PRUNE2: variants seen among roughly 807,000 people sequenced by gnomAD.
PRUNE2 encodes the protein protein prune homolog 2.
Under a neutral mutation model 252.0 loss-of-function variants are expected in PRUNE2, and 164 were observed. The ratio of observed to expected loss-of-function variants is 0.65; its 90% CI spans 0.57 to 0.74. PRUNE2 has a LOEUF of 0.74. Ranked by LOEUF, PRUNE2 falls within the 30% of genes least tolerant of loss-of-function variation. The pLI is 0.00. For synonymous variants in PRUNE2, 1,292 were observed against 1,350.2 expected (o/e 0.96, Z 0.94); for missense variants, 3,495 against 3,711.0 (o/e 0.94, Z 1.51).
intron 6 of PRUNE2, among the ~76,000 whole-genome samples, chr9:76,814,372 C>A (rs1174963409): frequency 6.6e-6 from 1 of 152,128 alleles, no homozygotes; most frequent in African/African-American, 2.4e-5. Flanking sequence ...TCTTTTAGAA[C>A]CTAAGTGTTA....
At chr9:76,895,616 A>G (rs2062769418) in intron 1 of PRUNE2, among the ~76,000 whole-genome samples, 1 of 152,176 alleles carries the variant, frequency 6.6e-6, no homozygotes, top group African/African-American at 2.4e-5. Context: ...CTAAATTTAA[A>G]TGATCTTTTC....
At chr9:76,769,321 T>C (rs1287758687) in intron 6 of PRUNE2, among the ~76,000 whole-genome samples, 1 of 152,236 alleles carries the variant, frequency 6.6e-6, no homozygotes, top group Non-Finnish European at 1.5e-5. Flanking sequence ...ACAGAATAAC[T>C]GAACTGTTTT....
Position 76,710,483 on chromosome 9 carries a change from G to A in PRUNE2, c.1791C>T (p.Ser597=), listed in dbSNP as rs1184389833. The A allele has an allele frequency of 6.2e-7, 1 of 1,613,932 alleles. No homozygotes were observed. The highest frequency in any genetic ancestry group is 1.7e-5 in the Admixed American group (1 of 60,016). The change falls in exon 8 of 19, where the codon TCC becomes TCT. Residue 597 remains serine (S), a synonymous_variant. Coordinates refer to ENST00000376718, the MANE Select transcript of PRUNE2 (RefSeq NM_015225.3). ...TTCCAGTATTTTTTAGCCTTTCTGG[G>A]GAAGGGGATTCATCTCCCACAAAAT... ...LTDFVGDESP[S]PERLKNTGKR... is the part of the protein sequence containing the mutation.
At chr9:76,673,137 C>A (rs910299722) in intron 9 of PRUNE2, among the ~76,000 whole-genome samples, 7 of 151,820 alleles carry the variant, frequency 4.6e-5, no homozygotes, top group Admixed American at 4.6e-4. Flanking sequence ...AAAGGATCAA[C>A]AAAATTGATA....
intron 4 of PRUNE2, among the ~76,000 whole-genome samples, chr9:76,844,644 C>T (rs2132424985): frequency 6.6e-6 from 1 of 152,240 alleles, no homozygotes; most frequent in South Asian, 2.1e-4. Context: ...CAAAAGGTCT[C>T]CAGAGCCCTC....
At chr9:76,739,858 G>C (rs2049428138) in intron 6 of PRUNE2, 1 of 152,044 alleles carries the variant, frequency 6.6e-6, no homozygotes, top group African/African-American at 2.4e-5. Context: ...GGCCAAGGCA[G>C]GCAGATCACG....
At chr9:76,663,175 C>T (rs2133678414) in intron 9 of PRUNE2, among the ~76,000 whole-genome samples, 1 of 152,254 alleles carries the variant, frequency 6.6e-6, no homozygotes, top group East Asian at 1.9e-4. Flanking sequence ...CAAGCTAATC[C>T]CAAGACAGGA....
intron 6 of PRUNE2, among the ~76,000 whole-genome samples, chr9:76,770,079 T>A (rs2052921623): frequency 6.6e-6 from 1 of 152,174 alleles, no homozygotes; most frequent in South Asian, 2.1e-4. Context: ...CTTGCCAATT[T>A]ATTATTGTTA....
At chr9:76,849,962 A>G (rs555132118) in intron 3 of PRUNE2, among the ~76,000 whole-genome samples, 3 of 152,328 alleles carry the variant, frequency 2.0e-5, no homozygotes, top group South Asian at 2.1e-4. Flanking sequence ...AAATTTTGCC[A>G]TAAGAGAAGA....
At chr9:76,619,688 T>C (rs770881674) in intron 17 of PRUNE2, among the ~76,000 whole-genome samples, 6 of 152,264 alleles carry the variant, frequency 3.9e-5, no homozygotes. Context: ...GGGGACATAT[T>C]ACAAAATTGT....
At chr9:76,625,127 A>T in intron 16 of PRUNE2, 2 of 1,069,226 alleles carry the variant, frequency 1.9e-6, no homozygotes, top group Non-Finnish European at 1.3e-6. Flanking sequence ...CAAGTAAATG[A>T]TTTAAATGAC....
chr9:76,760,061 A>G (rs891025814), intron 6 of PRUNE2: 3 of 152,244 alleles, frequency 2.0e-5, no homozygotes, highest in Non-Finnish European at 4.4e-5. Flanking sequence ...TACAATTTAA[A>G]TAAATTAGTT....
intron 9 of PRUNE2, among the ~76,000 whole-genome samples, chr9:76,688,150 C>T (rs1398624822): frequency 6.6e-6 from 1 of 152,174 alleles, no homozygotes; most frequent in Non-Finnish European, 1.5e-5. Context: ...ATAGCAACTG[C>T]CCAGGAAGTA....
At chr9:76,822,024 A>T (rs1163986092) in intron 6 of PRUNE2, among the ~76,000 whole-genome samples, 1 of 152,162 alleles carries the variant, frequency 6.6e-6, no homozygotes, top group Non-Finnish European at 1.5e-5. Context: ...AGGAGAGGGG[A>T]ACAGAGAAAG....
intron 6 of PRUNE2, among the ~76,000 whole-genome samples, chr9:76,752,901 A>G (rs2050759938): frequency 6.6e-6 from 1 of 152,216 alleles, no homozygotes; most frequent in Non-Finnish European, 1.5e-5. Flanking sequence ...AGCATTTGAA[A>G]AGAGTCATTG....
intron 4 of PRUNE2, among the ~76,000 whole-genome samples, chr9:76,838,049 G>A (rs530239707): frequency 6.6e-6 from 1 of 151,998 alleles, no homozygotes; most frequent in Non-Finnish European, 1.5e-5. Flanking sequence ...GGGATTACAG[G>A]TGTGAGCCAC....
At chr9:76,855,082 A>AAAAAAAAAAAAAAATATATATATATAT (rs1490285240) in intron 1 of PRUNE2, among the ~76,000 whole-genome samples, 2 of 109,436 alleles carry the variant, frequency 1.8e-5, no homozygotes, top group African/African-American at 7.7e-5. Context: ...AAAAAAAAAA[A>AAAAAAAAAAAAAAATATATATATATAT]ATATATATAT....
At chr9:76,777,898 G>C (rs1027538872) in intron 6 of PRUNE2, among the ~76,000 whole-genome samples, 1 of 152,168 alleles carries the variant, frequency 6.6e-6, no homozygotes, top group Non-Finnish European at 1.5e-5. Context: ...TCAGAGAGGG[G>C]ACAGCAGGTA....
chr9:76,668,527 T>G (rs1222564855), intron 9 of PRUNE2, among the ~76,000 whole-genome samples: 1 of 152,112 alleles, frequency 6.6e-6, no homozygotes, highest in Non-Finnish European at 1.5e-5. Context: ...CTCCCATTCC[T>G]CCTCTTACCC....
Sources: gnomAD v4.1 joint callset for allele counts (sites outside exome capture counted in the v4.1 genomes callset) on GRCh38, gnomAD v4.1.1 for gene constraint, MANE v1.5 for transcripts, NCBI Gene and HGNC (gene_info 2026-07-23, HGNC 2026-07-21) for gene names.